The following PTPRN2 variants were observed in gnomAD, a reference collection of about 807,000 sequenced individuals.
The protein encoded by PTPRN2 is receptor-type tyrosine-protein phosphatase N2.
Under a neutral mutation model 118.8 loss-of-function variants are expected in PTPRN2, and 74 were observed. The ratio of observed to expected loss-of-function variants is 0.62; its 90% CI spans 0.52 to 0.76. The LOEUF (loss-of-function observed/expected upper bound fraction) is 0.76. PTPRN2 is among the 30% of genes least tolerant of loss of function. PTPRN2 has a pLI of 0.00. For synonymous variants in PTPRN2, 641 were observed against 608.0 expected (o/e 1.05, Z -0.80); for missense variants, 1,481 against 1,394.4 (o/e 1.06, Z -0.99).
At chr7:157,760,938 T>A (rs1427353803) in intron 12 of PTPRN2, among the ~76,000 whole-genome samples, 1 of 152,152 alleles carries the variant, frequency 6.6e-6, no homozygotes, top group Non-Finnish European at 1.5e-5. Context: ...TGGCCAAGCA[T>A]TCTTATACAC....
intron 11 of PTPRN2, among the ~76,000 whole-genome samples, chr7:158,076,376 C>T (rs1400875103): frequency 3.3e-5 from 5 of 152,192 alleles, no homozygotes; most frequent in Non-Finnish European, 7.3e-5. Flanking sequence ...GCATGCAGCT[C>T]CACCTGGCGT....
intron 6 of PTPRN2, among the ~76,000 whole-genome samples, chr7:158,151,885 T>G (rs1821210141): frequency 6.6e-6 from 1 of 152,112 alleles, no homozygotes; most frequent in Non-Finnish European, 1.5e-5. Context: ...ATAAAAACCA[T>G]GAATGCGGCC....
At chr7:158,282,450 G>C (rs778192248) in intron 3 of PTPRN2, among the ~76,000 whole-genome samples, 7 of 152,218 alleles carry the variant, frequency 4.6e-5, no homozygotes, top group Non-Finnish European at 1.0e-4. Context: ...CGCAGATCAG[G>C]AGTCTGGCCT....
At chr7:158,527,607 C>G (rs904462791) in intron 1 of PTPRN2, among the ~76,000 whole-genome samples, 1 of 152,240 alleles carries the variant, frequency 6.6e-6, no homozygotes, top group African/African-American at 2.4e-5. Flanking sequence ...GCTGGTCCTT[C>G]CTAACACCTG....
intron 11 of PTPRN2, among the ~76,000 whole-genome samples, chr7:157,996,858 C>G (rs1473846516): frequency 1.3e-5 from 2 of 152,202 alleles, no homozygotes; most frequent in African/African-American, 4.8e-5. Flanking sequence ...ATGACCTGAG[C>G]CATCTTCCCC....
chr7:158,173,734 C>T (rs891043362), intron 5 of PTPRN2, among the ~76,000 whole-genome samples: 6 of 151,908 alleles, frequency 3.9e-5, no homozygotes, highest in African/African-American at 1.5e-4. Flanking sequence ...AACGGCCATT[C>T]ATAGACCTAC....
At chr7:157,878,935 G>A (rs201541246) in intron 12 of PTPRN2, among the ~76,000 whole-genome samples, 4 of 122,170 alleles carry the variant, frequency 3.3e-5, no homozygotes, top group Non-Finnish European at 4.9e-5. Context: ...CTCGGATTCC[G>A]TGGGGCTTGA....
rs1208441375 is a variant in PTPRN2 at position 157,585,044 on chromosome 7, T to A, written c.2497-6904A>T. On this transcript the variant is annotated intron_variant, in intron 17 of 22. Coordinates refer to ENST00000389418, the MANE Select transcript of PTPRN2 (RefSeq NM_002847.5). This position sits in a 1 kb window ranked among gnomAD's most constrained non-coding sequence, Gnocchi z 5.2. ...CCAGCTCATGGTGCACCTACCTGGC[T>A]TTTTTTTAGTAAACAAATATCTCAG... 6.6e-6 allele frequency among the ~76,000 whole-genome samples: 1 copy of A among 151,950 alleles called. No individual in the cohort carries two copies. Among genetic ancestry groups the A allele is most frequent in the Non-Finnish European group, 1.5e-5 (1 of 68,012 alleles).
At chr7:158,070,867 T>A (rs1437371376) in intron 11 of PTPRN2, among the ~76,000 whole-genome samples, 3 of 109,322 alleles carry the variant, frequency 2.7e-5, no homozygotes, top group South Asian at 3.5e-4. Context: ...CCCGTGGTGG[T>A]GGTGGTGCCC....
intron 4 of PTPRN2, among the ~76,000 whole-genome samples, chr7:158,196,394 C>T (rs555901713): frequency 3.9e-5 from 6 of 152,318 alleles, no homozygotes; most frequent in Admixed American, 1.3e-4. Context: ...CACACAGCTG[C>T]GTCCCCTCCC....
Position 158,071,399 on chromosome 7 carries a change from C to CTTGTG in PTPRN2, c.1723+9898_1723+9899insCACAA, listed in dbSNP as rs1312383372. Among the ~76,000 whole-genome samples the CTTGTG allele has an allele frequency of 1.1e-3, 23 of 20,984 alleles. 2 individuals carry two copies. The highest frequency in any genetic ancestry group is 2.4e-3 in the East Asian group (1 of 424). 13.8% of individuals were successfully genotyped at this position (20,984 alleles called of 152,430 possible). A position where few individuals can be genotyped will look rare whatever the true frequency, so the allele number is the denominator to read the frequency against. On this transcript the variant is annotated intron_variant, in intron 11 of 22. Transcript: ENST00000389418. ...TGGAGGTGCTCGTGGTGGAGGTGCT[C>CTTGTG]GTGGTGGAGTTGCTCCTGGTGGTGG...
At chr7:158,072,418 A>T (rs1812014484) in intron 11 of PTPRN2, among the ~76,000 whole-genome samples, 1 of 152,132 alleles carries the variant, frequency 6.6e-6, no homozygotes, top group Admixed American at 6.5e-5. Context: ...AGTGCAAAGA[A>T]TCAGATGCAA....
intron 12 of PTPRN2, among the ~76,000 whole-genome samples, chr7:157,894,251 G>A (rs1056369239): frequency 2.0e-5 from 3 of 152,242 alleles, no homozygotes; most frequent in African/African-American, 7.2e-5. Flanking sequence ...CCAAAACTGA[G>A]AGGAGCAATC....
intron 3 of PTPRN2, among the ~76,000 whole-genome samples, chr7:158,260,884 C>A (rs1320506491): frequency 6.6e-6 from 1 of 152,166 alleles, no homozygotes; most frequent in Non-Finnish European, 1.5e-5. Flanking sequence ...CTGGCAGGTC[C>A]TCAGGCAGGA....
intron 1 of PTPRN2, among the ~76,000 whole-genome samples, chr7:158,535,213 C>G (rs112164157): frequency 6.6e-6 from 1 of 152,124 alleles, no homozygotes; most frequent in Non-Finnish European, 1.5e-5. Flanking sequence ...ACAATCTGGT[C>G]GAAGAAAACA....
intron 12 of PTPRN2, among the ~76,000 whole-genome samples, chr7:157,840,421 T>TGTGTGACTGTGTGACCGC (rs1430651927): frequency 7.8e-6 from 1 of 127,706 alleles, no homozygotes; most frequent in African/African-American, 3.2e-5. Context: ...TGTGTGACTG[T>TGTGTGACTGTGTGACCGC]GTGTGACTGT....
chr7:157,998,525 C>A lies in PTPRN2; in HGVS notation c.1723+82773G>T, dbSNP rs188455955. 5.9e-5 allele frequency among the ~76,000 whole-genome samples: 9 copies of A among 152,278 alleles called. No homozygotes were observed. In the East Asian group the frequency reaches 1.7e-3, roughly 29 times the overall value. On this transcript the variant is annotated intron_variant, in intron 11 of 22. Transcript: ENST00000389418. ...TAAATGTAGACCGAATAAGCTACCTCACATTTCAAGCTCAGTAAATGTAAT... is the reference window on the plus strand; with the variant it reads ...TAAATGTAGACCGAATAAGCTACCTAACATTTCAAGCTCAGTAAATGTAAT...
At chr7:158,514,859 G>A (rs947123278) in intron 1 of PTPRN2, among the ~76,000 whole-genome samples, 1 of 152,108 alleles carries the variant, frequency 6.6e-6, no homozygotes, top group Non-Finnish European at 1.5e-5. Context: ...GTCACCATCC[G>A]CCTGCCTCAA....
At chr7:157,931,123 C>T (rs542146576) in intron 11 of PTPRN2, among the ~76,000 whole-genome samples, 8 of 152,258 alleles carry the variant, frequency 5.3e-5, no homozygotes, top group East Asian at 1.9e-4. Context: ...GCATGAGCTG[C>T]GGTGCCTGGC....
Sources: allele counts gnomAD v4.1 joint callset (sites outside exome capture counted in the v4.1 genomes callset), GRCh38; gene constraint gnomAD v4.1.1; non-coding constraint Gnocchi (gnomAD v3.1); transcripts MANE v1.5; gene names NCBI Gene and HGNC (gene_info 2026-07-23, HGNC 2026-07-21).